FBN1: variants seen among roughly 807,000 people sequenced by gnomAD.
The protein encoded by FBN1 is fibrillin-1.
A neutral mutation model predicts 365.1 loss-of-function variants in FBN1; 29 were observed. The ratio of observed to expected loss-of-function variants is 0.08; its 90% CI spans 0.06 to 0.11. The LOEUF (loss-of-function observed/expected upper bound fraction) is 0.11. FBN1 is among the 10% of genes least tolerant of loss of function. The pLI, the probability that FBN1 is intolerant of heterozygous loss-of-function variation, is 1.00. For missense variants in FBN1, 2,476 were observed against 3,703.2 expected (o/e 0.67, Z 8.60); for synonymous variants, 1,210 against 1,270.5 (o/e 0.95, Z 1.01).
At chr15:48,631,089 T>G (rs1889980995) in intron 2 of FBN1, among the ~76,000 whole-genome samples, 1 of 152,174 alleles carries the variant, frequency 6.6e-6, no homozygotes, top group Non-Finnish European at 1.5e-5. Context: ...TAATGTATGT[T>G]TTGTTCCACT....
chr15:48,594,246 T>G (rs2044500651), intron 6 of FBN1, among the ~76,000 whole-genome samples: 1 of 152,202 alleles, frequency 6.6e-6, no homozygotes. Context: ...CATGTTTTTC[T>G]TCTCCCATTG....
chr15:48,475,425 A>G (rs2043411215), intron 32 of FBN1, among the ~76,000 whole-genome samples: 1 of 152,200 alleles, frequency 6.6e-6, no homozygotes, highest in South Asian at 2.1e-4. Flanking sequence ...TCTATTGTCA[A>G]CTTTAGCCAA....
At chr15:48,441,628 C>T (rs1237102560) in intron 50 of FBN1, 93 bp downstream of exon 50, 2 of 1,495,148 alleles carry the variant, frequency 1.3e-6, no homozygotes, top group Non-Finnish European at 1.9e-6. Flanking sequence ...TCTTCCTGTT[C>T]ACAAAGAAAC....
intron 60 of FBN1, among the ~76,000 whole-genome samples, chr15:48,423,385 C>T (rs57759946): frequency 0.025 from 3,756 of 152,222 alleles, 79 homozygotes; most frequent in East Asian, 0.082. Context: ...GTCCTAGTTC[C>T]GGCTTCTCTT....
chr15:48,582,816 A>G (rs1404860353), intron 6 of FBN1, among the ~76,000 whole-genome samples: 1 of 152,154 alleles, frequency 6.6e-6, no homozygotes, highest in African/African-American at 2.4e-5. Flanking sequence ...GTGGGAGCAC[A>G]AGGATTAGAG....
intron 2 of FBN1, among the ~76,000 whole-genome samples, chr15:48,630,382 T>C (rs970860406): frequency 8.5e-5 from 13 of 152,184 alleles, no homozygotes; most frequent in Non-Finnish European, 1.8e-4. Flanking sequence ...CTTCTGACCT[T>C]TCAATGTGTG....
chr15:48,460,371 T>C, intron 42 of FBN1, 54 bp from the exon 43 acceptor site: 2 of 1,082,526 alleles, frequency 1.8e-6, no homozygotes. Context: ...CAAAGAACAA[T>C]AATTGGACTG....
chr15:48,586,418 A>G (rs2140696048), intron 6 of FBN1, among the ~76,000 whole-genome samples: 2 of 152,292 alleles, frequency 1.3e-5, no homozygotes, highest in Middle Eastern at 3.4e-3. Context: ...CCTTGAAAGA[A>G]AAGGATCTAA....
intron 15 of FBN1, among the ~76,000 whole-genome samples, chr15:48,507,650 C>A (rs140751909): frequency 5.9e-5 from 9 of 152,252 alleles, no homozygotes; most frequent in Non-Finnish European, 1.2e-4. Context: ...CAAAGCTGTC[C>A]ACTAGGGGCA....
chr15:48,560,509 G>T lies in FBN1; in HGVS notation c.539-22701C>A, dbSNP rs79029185. ...GAGAGAGTCAAATGTTATTCTCTGA[G>T]GTTTGGGATTCCCCATCCCCTTGGT... On this transcript the variant is annotated intron_variant, in intron 6 of 65. Transcript: ENST00000316623. Among the ~76,000 whole-genome samples, 2,490 of 152,248 alleles carry T rather than the reference G, an allele frequency of 0.016. 200 individuals carry two copies. In the East Asian group the frequency reaches 0.24, roughly 14 times the overall value.
rs397515784 is a variant in FBN1 at position 48,489,921 on chromosome 15, G to A, written c.3012C>T (p.Tyr1004=). The change falls in exon 25 of 66, where the codon TAC becomes TAT. Residue 1004 remains tyrosine, a synonymous_variant. Transcript: ENST00000316623. ...CGGGTCCTCTCGGACACAGCTCCTC[G>A]TACTCAGGAGTATTTCTCATGGGAC... ...EECPMRNTPE[Y]EELCPRGPGF... 2.5e-6 allele frequency: 4 copies of A among 1,614,088 alleles called. No homozygotes were observed. Among genetic ancestry groups the A allele is most frequent in the South Asian group, 2.2e-5 (2 of 91,076 alleles).
chr15:48,582,283 C>G (rs1417631018), intron 6 of FBN1, among the ~76,000 whole-genome samples: 1 of 152,170 alleles, frequency 6.6e-6, no homozygotes, highest in Admixed American at 6.5e-5. Context: ...AAATGTTGAA[C>G]AGAACAGAAA....
intron 4 of FBN1, among the ~76,000 whole-genome samples, chr15:48,602,527 CTG>C (rs1450737681): frequency 6.6e-6 from 1 of 152,182 alleles, no homozygotes; most frequent in Non-Finnish European, 1.5e-5. Flanking sequence ...AAAGACCAAA[CTG>C]AGACTTAGAA....
intron 63 of FBN1, among the ~76,000 whole-genome samples, chr15:48,417,471 T>C (rs868603789): frequency 1.1e-4 from 10 of 92,364 alleles, no homozygotes; most frequent in African/African-American, 4.4e-4. Flanking sequence ...TTCCTTCCTT[T>C]CCTTCCTTCC....
At chr15:48,470,299 T>C (rs983890354) in intron 36 of FBN1, among the ~76,000 whole-genome samples, 1 of 152,038 alleles carries the variant, frequency 6.6e-6, no homozygotes, top group African/African-American at 2.4e-5. Flanking sequence ...TCCCGGGGCA[T>C]GGCCTCCAAA....
At chr15:48,625,008 A>G (rs530199920) in intron 2 of FBN1, among the ~76,000 whole-genome samples, 1 of 152,332 alleles carries the variant, frequency 6.6e-6, no homozygotes, top group South Asian at 2.1e-4. Flanking sequence ...AGCCCCAGGA[A>G]GAGACAGGAA....
intron 6 of FBN1, among the ~76,000 whole-genome samples, chr15:48,580,916 G>T (rs1233352161): frequency 6.6e-6 from 1 of 152,086 alleles, no homozygotes; most frequent in Non-Finnish European, 1.5e-5. Flanking sequence ...CCAAAACAGA[G>T]ACTAAAACTG....
Position 48,631,972 on chromosome 15 carries a change from A to G in FBN1, c.164+12634T>C, listed in dbSNP as rs561188716. Among the ~76,000 whole-genome samples, 145 of 152,368 alleles carry G rather than the reference A, an allele frequency of 9.5e-4. 1 individual carries two copies. The highest frequency in any genetic ancestry group is 1.3e-3 in the Non-Finnish European group (86 of 68,042). ...TTAAAAAATGTGCTAATCAGGAAAGAGGCAAGGCCTATTTGACAGATCTGC... is the reference window on the plus strand; with the variant it reads ...TTAAAAAATGTGCTAATCAGGAAAGGGGCAAGGCCTATTTGACAGATCTGC... On this transcript the variant is annotated intron_variant, in intron 2 of 65. Coordinates refer to ENST00000316623, the MANE Select transcript of FBN1 (RefSeq NM_000138.5).
Position 48,610,719 on chromosome 15 carries a change from T to TA in FBN1, c.346+8dup. On this transcript the variant is annotated intron_variant, in intron 4 of 65. Coordinates refer to ENST00000316623, the MANE Select transcript of FBN1 (RefSeq NM_000138.5). ...AATAATATTATATATAATGACATGT[T>TA]AGACTTACTGGATCTGGAGCCACAG... is the stretch of plus-strand genomic sequence containing the variant. 6.3e-7 allele frequency: 1 copy of TA among 1,599,034 alleles called. No homozygotes were observed. The highest frequency in any genetic ancestry group is 8.6e-7 in the Non-Finnish European group (1 of 1,166,424).
Sources: allele counts gnomAD v4.1 joint callset (sites outside exome capture counted in the v4.1 genomes callset), GRCh38; gene constraint gnomAD v4.1.1; transcripts MANE v1.5; gene names NCBI Gene and HGNC (gene_info 2026-07-23, HGNC 2026-07-21).